Variants in TST observed in about 807,000 individuals in gnomAD.
The protein encoded by TST is thiosulfate sulfurtransferase.
In TST, 22 loss-of-function variants were observed where a neutral mutation model predicts 20.4. The ratio of observed to expected loss-of-function variants is 1.08; its 90% CI spans 0.77 to 1.54. TST has a LOEUF of 1.54. TST is among the 40% of genes most tolerant of loss of function. The pLI is 0.00. For synonymous variants in TST, 187 were observed against 173.8 expected, an observed-to-expected ratio of 1.08 and a Z score of -0.60; for missense variants, 392 against 405.2, an observed-to-expected ratio of 0.97 and a Z score of 0.28.
intron 2 of TST, chr22:37,013,441 G>GA (rs34141490): frequency 0.15 from 19,832 of 131,334 alleles, 2,182 homozygotes; most frequent in African/African-American, 0.33. Flanking sequence ...CATCTCTATA[G>GA]AAAAAAAAAA....
intron 2 of TST, among the ~76,000 whole-genome samples, chr22:37,016,170 C>T (rs971496460): frequency 4.0e-5 from 6 of 151,804 alleles, no homozygotes; most frequent in African/African-American, 7.3e-5. Flanking sequence ...TGGTCTCGAA[C>T]TCCCGAGCTC....
At chr22:37,013,843 C>CTGTT (rs1922570496) in intron 2 of TST, among the ~76,000 whole-genome samples, 1 of 89,072 alleles carries the variant, frequency 1.1e-5, no homozygotes, top group Non-Finnish European at 2.1e-5. Context: ...CGGGTTGAAT[C>CTGTT]CTGTTTTGTT....
At chr22:37,019,339 G>C (rs1922864579) in intron 1 of TST, 61 bp downstream of exon 1, 1 of 152,068 alleles carries the variant, frequency 6.6e-6, no homozygotes, top group Non-Finnish European at 1.5e-5. Flanking sequence ...TCCTTCCCCG[G>C]GCAGCAGGTG....
chr22:37,018,849 C>G, intron 1 of TST, 96 bp from the exon 2 acceptor site: 3 of 844,960 alleles, frequency 3.6e-6, no homozygotes, highest in Non-Finnish European at 3.4e-6. Flanking sequence ...TTTCTCCCTC[C>G]GCACTCCCCC....
intron 2 of TST, among the ~76,000 whole-genome samples, chr22:37,012,958 C>T (rs1042542330): frequency 1.3e-5 from 2 of 152,060 alleles, no homozygotes; most frequent in Non-Finnish European, 2.9e-5. Flanking sequence ...AGGAGAAACG[C>T]TTGAACCTGT....
intron 1 of TST, 86 bp from the exon 2 acceptor site, chr22:37,018,839 T>G: frequency 2.1e-6 from 2 of 934,650 alleles, no homozygotes; most frequent in Non-Finnish European, 3.0e-6. Flanking sequence ...GGAGAAGCTC[T>G]TTCTCCCTCC....
intron 2 of TST, among the ~76,000 whole-genome samples, chr22:37,016,244 C>T (rs1159578322): frequency 1.3e-5 from 2 of 152,062 alleles, no homozygotes; most frequent in East Asian, 1.9e-4. Context: ...CACGCCCGGC[C>T]GCCACTGCTA....
chr22:37,011,419 A>G, intron 2 of TST, 94 bp from the exon 3 acceptor site: 1 of 1,324,338 alleles, frequency 7.6e-7, no homozygotes, highest in Non-Finnish European at 1.0e-6. Flanking sequence ...GGAAGGATAG[A>G]TAGCTTTGCA....
At chr22:37,019,973 G>A, upstream of TST, 1 of 562,646 alleles carries the variant, frequency 1.8e-6, no homozygotes, top group African/African-American at 1.9e-5. Flanking sequence ...GGGCGGAAGA[G>A]GGGGCTTAGT....
intron 2 of TST, among the ~76,000 whole-genome samples, chr22:37,014,878 G>C (rs549882037): frequency 6.6e-6 from 1 of 152,152 alleles, no homozygotes; most frequent in Non-Finnish European, 1.5e-5. Context: ...TCCAGAGCAG[G>C]CAGCCCCAGA....
chr22:37,011,148 G>A lies in TST; in HGVS notation c.773C>T (p.Ala258Val), dbSNP rs778031176. The change falls in exon 3 of 3, where the codon GCC becomes GTC. Residue 258 changes from alanine (A) to valine (V), a missense_variant. Ala to Val is a moderately conservative substitution (Grantham distance 64, BLOSUM62 0). Transcript: ENST00000249042. ...CRKGVTACHV[A>V]LAAYLCGKPD... ...CTTGCCGCAGAGGTAGGCAGCCAAG[G>A]CCACGTGGCAGGCGGTGACTCCCTT... 1.2e-6 allele frequency: 2 copies of A among 1,613,784 alleles called. No homozygotes were observed. Among genetic ancestry groups the A allele is most frequent in the Non-Finnish European group, 1.7e-6 (2 of 1,180,034 alleles).
chr22:37,013,322 T>C (rs1282192882), intron 2 of TST: 1 of 151,684 alleles, frequency 6.6e-6, no homozygotes, highest in African/African-American at 2.4e-5. Context: ...AGCCTGAAAA[T>C]AAAGTAGAAA....
chr22:37,015,185 A>C (rs542470570), intron 2 of TST, among the ~76,000 whole-genome samples: 3 of 152,280 alleles, frequency 2.0e-5, no homozygotes, highest in African/African-American at 7.2e-5. Flanking sequence ...CCCCACCCAC[A>C]AAGTGGGACC....
At chr22:37,016,883 G>T (rs2145899655) in intron 2 of TST, among the ~76,000 whole-genome samples, 1 of 152,356 alleles carries the variant, frequency 6.6e-6, no homozygotes, top group Non-Finnish European at 1.5e-5. Flanking sequence ...CTTGGCCCCT[G>T]CCTCTGTGCA....
chr22:37,018,862 G>A (rs939640369), intron 1 of TST, 109 bp from the exon 2 acceptor site: 1 of 791,900 alleles, frequency 1.3e-6, no homozygotes, highest in Non-Finnish European at 1.9e-6. Flanking sequence ...ACTCCCCCGG[G>A]TTCCTTGTTT....
intron 2 of TST, among the ~76,000 whole-genome samples, chr22:37,012,007 T>C (rs566522159): frequency 1.3e-5 from 2 of 152,296 alleles, no homozygotes; most frequent in South Asian, 4.1e-4. Flanking sequence ...GTGTCAGATG[T>C]GAGGTCAAAT....
At chr22:37,014,667 G>A (rs1043992593) in intron 2 of TST, among the ~76,000 whole-genome samples, 7 of 152,234 alleles carry the variant, frequency 4.6e-5, no homozygotes, top group African/African-American at 1.4e-4. Flanking sequence ...ACACAGCAAA[G>A]GTAAGTCTGA....
intron 1 of TST, chr22:37,019,059 C>G (rs1245349863): frequency 7.3e-6 from 2 of 275,258 alleles, no homozygotes; most frequent in Admixed American, 9.5e-5. Context: ...TTACAGTACT[C>G]GATCCCGCCA....
intron 2 of TST, among the ~76,000 whole-genome samples, chr22:37,017,695 G>T (rs1414395581): frequency 1.3e-5 from 2 of 152,194 alleles, no homozygotes; most frequent in Non-Finnish European, 2.9e-5. Context: ...CCTGCGGGGA[G>T]GGACACTGTT....
Sources: gnomAD v4.1 joint callset for allele counts (sites outside exome capture counted in the v4.1 genomes callset) on GRCh38, gnomAD v4.1.1 for gene constraint, MANE v1.5 for transcripts, NCBI Gene and HGNC (gene_info 2026-07-23, HGNC 2026-07-21) for gene names.